VAT1L: variants seen among roughly 807,000 people sequenced by gnomAD.
VAT1L encodes putative NADPH-dependent quinone oxidoreductase VAT1L.
VAT1L carries 34 observed loss-of-function variants against 44.1 expected under a neutral mutation model. The observed-to-expected ratio is 0.77, with a 90% CI of 0.59 to 1.03. VAT1L has a LOEUF of 1.03. VAT1L is among the 50% of genes least tolerant of loss of function. VAT1L has a pLI of 0.00. For missense variants in VAT1L, 615 were observed against 538.8 expected (o/e 1.14, Z -1.40); for synonymous variants, 253 against 202.2 (o/e 1.25, Z -2.13).
At chr16:77,806,579 G>A (rs185616165) in intron 1 of VAT1L, among the ~76,000 whole-genome samples, 4 of 151,834 alleles carry the variant, frequency 2.6e-5, no homozygotes, top group Non-Finnish European at 5.9e-5. Flanking sequence ...TCCTGACCTC[G>A]TGATCTGCCC....
chr16:77,818,778 T>C (rs1362688980), intron 2 of VAT1L, among the ~76,000 whole-genome samples: 1 of 152,206 alleles, frequency 6.6e-6, no homozygotes, highest in Non-Finnish European at 1.5e-5. Context: ...AAAAAATAAG[T>C]CACTTACTCG....
chr16:77,976,303 TA>T (rs1432087888), intron 8 of VAT1L, among the ~76,000 whole-genome samples: 1 of 152,148 alleles, frequency 6.6e-6, no homozygotes. Context: ...AAGCTCATAA[TA>T]GGGAGATTGT....
chr16:77,917,685 T>A (rs2017565684), intron 7 of VAT1L, among the ~76,000 whole-genome samples: 1 of 152,162 alleles, frequency 6.6e-6, no homozygotes, highest in Non-Finnish European at 1.5e-5. Context: ...TCTATCTGAA[T>A]AATCTAAGGT....
intron 7 of VAT1L, among the ~76,000 whole-genome samples, chr16:77,957,762 AATTAT>A (rs2018119668): frequency 6.7e-6 from 1 of 148,608 alleles, no homozygotes; most frequent in Admixed American, 6.7e-5. Context: ...ATATAATTAT[AATTAT>A]ATTAATATAA....
chr16:77,797,390 C>A (rs1327266734), intron 1 of VAT1L, among the ~76,000 whole-genome samples: 1 of 152,182 alleles, frequency 6.6e-6, no homozygotes, highest in Admixed American at 6.5e-5. Context: ...GGATTACAGG[C>A]GTGAGCCACC....
chr16:77,942,713 C>G (rs1236416571), intron 7 of VAT1L, among the ~76,000 whole-genome samples: 1 of 152,012 alleles, frequency 6.6e-6, no homozygotes, highest in African/African-American at 2.4e-5. Context: ...CAGTAACCAC[C>G]CTGTTTTTTG....
At chr16:77,881,153 T>A (rs1030756820) in intron 6 of VAT1L, among the ~76,000 whole-genome samples, 1 of 152,216 alleles carries the variant, frequency 6.6e-6, no homozygotes, top group African/African-American at 2.4e-5. Flanking sequence ...GAACTTTTAT[T>A]TTTACCCCTC....
intron 3 of VAT1L, among the ~76,000 whole-genome samples, chr16:77,826,682 G>A (rs1597054159): frequency 6.6e-6 from 1 of 152,288 alleles, no homozygotes; most frequent in Non-Finnish European, 1.5e-5. Flanking sequence ...CACTATGTCT[G>A]TCATTGGTCT....
chr16:77,793,206 G>T (rs1471863476), intron 1 of VAT1L, among the ~76,000 whole-genome samples: 1 of 152,110 alleles, frequency 6.6e-6, no homozygotes, highest in African/African-American at 2.4e-5. Context: ...TGATCTCCCT[G>T]GCTCAAGTGA....
At chr16:77,803,703 A>G (rs899781124) in intron 1 of VAT1L, among the ~76,000 whole-genome samples, 1 of 152,036 alleles carries the variant, frequency 6.6e-6, no homozygotes, top group Non-Finnish European at 1.5e-5. Context: ...ACAGGCGTGA[A>G]CCACCATGCC....
intron 3 of VAT1L, among the ~76,000 whole-genome samples, chr16:77,826,414 A>G (rs781691138): frequency 1.2e-4 from 19 of 152,274 alleles, no homozygotes; most frequent in Non-Finnish European, 2.2e-4. Flanking sequence ...ATTCTTATTA[A>G]TTTGTATTCT....
chr16:77,804,016 T>C (rs2016112022), intron 1 of VAT1L, among the ~76,000 whole-genome samples: 2 of 152,160 alleles, frequency 1.3e-5, no homozygotes, highest in Non-Finnish European at 2.9e-5. Flanking sequence ...CCTCCTCTTA[T>C]GGAACTGTCA....
intron 7 of VAT1L, among the ~76,000 whole-genome samples, chr16:77,952,329 A>G (rs973654486): frequency 7.2e-5 from 11 of 152,252 alleles, no homozygotes; most frequent in South Asian, 4.1e-4. Context: ...GTAATCCCCA[A>G]CGTTGGAGAT....
chr16:77,861,237 A>G (rs2016911576), intron 3 of VAT1L, among the ~76,000 whole-genome samples: 1 of 152,230 alleles, frequency 6.6e-6, no homozygotes, highest in Non-Finnish European at 1.5e-5. Flanking sequence ...CGCTGGTAGA[A>G]TATTTTCCCT....
At chr16:77,909,912 G>C (rs997237658) in intron 7 of VAT1L, among the ~76,000 whole-genome samples, 2 of 152,064 alleles carry the variant, frequency 1.3e-5, no homozygotes, top group Admixed American at 6.5e-5. Context: ...TTCTTGCCTC[G>C]TAAGAACGGC....
rs563593284 is a variant in VAT1L at position 77,884,923 on chromosome 16, G to A, written c.1077+121G>A. 628 of 1,056,474 alleles carry A rather than the reference G, an allele frequency of 5.9e-4. No individual in the cohort carries two copies. Among genetic ancestry groups the A allele is most frequent in the Non-Finnish European group, 7.8e-4 (597 of 767,166 alleles). 65.4% of individuals were successfully genotyped at this position (1,056,474 alleles called of 1,614,324 possible). ...CCCAGATGGGTTTGTTTTAAATGAG[G>A]GTCCTAAAAGTCACCTGTACCACAG... On this transcript the variant is annotated intron_variant, in intron 7 of 8. Coordinates refer to ENST00000302536, the MANE Select transcript of VAT1L (RefSeq NM_020927.3). The surrounding 1 kb of genome is among the most constrained non-coding windows in gnomAD (Gnocchi z 4.5).
chr16:77,876,372 T>A lies in VAT1L; in HGVS notation c.725T>A (p.Ile242Asn), dbSNP rs996638648. The change falls in exon 5 of 9, where the codon ATC (isoleucine) becomes AAC (asparagine). Residue 242 changes from isoleucine to asparagine, a missense_variant and splice_region_variant. By Grantham distance (149) the Ile-to-Asn change is moderately radical (BLOSUM62 -3). Transcript: ENST00000302536. ...NADYVQEVKR[I>N]SAEGVDIVLD... is the part of the protein sequence containing the mutation. ...TGCTTTGCCTTCTCACCATTTAGAA[T>A]CTCTGCTGAAGGTGTGGACATCGTT... 2.5e-6 allele frequency: 4 copies of A among 1,614,002 alleles called. No individual in the cohort carries two copies. The highest frequency in any genetic ancestry group is 1.3e-5 in the African/African-American group (1 of 74,916).
chr16:77,919,819 A>G (rs1387983992), intron 7 of VAT1L, among the ~76,000 whole-genome samples: 2 of 152,172 alleles, frequency 1.3e-5, no homozygotes, highest in African/African-American at 4.8e-5. Flanking sequence ...CGGGCGTGGT[A>G]GCTCACACCT....
At chr16:77,872,096 G>T (rs1350880120) in intron 4 of VAT1L, among the ~76,000 whole-genome samples, 1 of 152,106 alleles carries the variant, frequency 6.6e-6, no homozygotes, top group African/African-American at 2.4e-5. Context: ...CCCTTCCACA[G>T]TTGGGGAAAC....
Sources: allele counts gnomAD v4.1 joint callset (sites outside exome capture counted in the v4.1 genomes callset), GRCh38; gene constraint gnomAD v4.1.1; non-coding constraint Gnocchi (gnomAD v3.1); transcripts MANE v1.5; gene names NCBI Gene and HGNC (gene_info 2026-07-23, HGNC 2026-07-21).